The following MAPRE2 variants were observed in gnomAD, a reference collection of about 807,000 sequenced individuals.
MAPRE2 encodes microtubule associated protein RP/EB family member 2.
MAPRE2 carries 13 observed loss-of-function variants against 43.2 expected under a neutral mutation model. The ratio of observed to expected loss-of-function variants is 0.30; its 90% CI spans 0.20 to 0.48. MAPRE2 has a LOEUF of 0.48. MAPRE2 is among the 20% of genes least tolerant of loss of function. The pLI, the probability that MAPRE2 is intolerant of heterozygous loss-of-function variation, is 0.99. For synonymous variants in MAPRE2, 135 were observed against 148.8 expected, an observed-to-expected ratio of 0.91 and a Z score of 0.68; for missense variants, 161 against 400.2, an observed-to-expected ratio of 0.40 and a Z score of 5.10.
chr18:34,990,486 A>G (rs533417903), intron 1 of MAPRE2, among the ~76,000 whole-genome samples: 5 of 152,158 alleles, frequency 3.3e-5, no homozygotes, highest in Admixed American at 3.3e-4. Flanking sequence ...GTGTTGGGAT[A>G]TTTTTGTCTG....
rs556417389 is a variant in MAPRE2 at position 35,113,039 on chromosome 18, A to ATGAGGG, written c.610+10880_610+10881insTGAGGG. ...TCATTCATGAGGGATCTGCCCTCAC[A>ATGAGGG]ACCTAGTTACCTCCCAAAGGCCCCA... On this transcript the variant is annotated intron_variant, in intron 4 of 6. Coordinates refer to ENST00000300249, the MANE Select transcript of MAPRE2 (RefSeq NM_014268.4). Among the ~76,000 whole-genome samples, 60 of 152,230 alleles carry ATGAGGG rather than the reference A, an allele frequency of 3.9e-4. No homozygotes were observed. The South Asian group carries it at 0.011, about 27-fold the overall frequency.
chr18:34,999,949 G>A (rs1037265997), intron 1 of MAPRE2, among the ~76,000 whole-genome samples: 1 of 152,004 alleles, frequency 6.6e-6, no homozygotes, highest in African/African-American at 2.4e-5. Context: ...AATTGAGGCA[G>A]TGCGTGGCGG....
chr18:34,984,294 G>C (rs989297141), intron 1 of MAPRE2: 1 of 152,086 alleles, frequency 6.6e-6, no homozygotes, highest in Non-Finnish European at 1.5e-5. Flanking sequence ...TCCTTTTGAT[G>C]AATTGTTAAT....
At chr18:35,074,444 G>C (rs375100772) in intron 2 of MAPRE2, among the ~76,000 whole-genome samples, 1 of 152,118 alleles carries the variant, frequency 6.6e-6, no homozygotes, top group Non-Finnish European at 1.5e-5. Flanking sequence ...AGAAGATAGG[G>C]GACTTAGAGG....
At chr18:35,005,966 AGAGCGTGC>A (rs1438187966) in intron 2 of MAPRE2, among the ~76,000 whole-genome samples, 1 of 152,174 alleles carries the variant, frequency 6.6e-6, no homozygotes, top group Non-Finnish European at 1.5e-5. Context: ...AGACAGAGTG[AGAGCGTGC>A]GAGCGTGCGA....
intron 4 of MAPRE2, among the ~76,000 whole-genome samples, chr18:35,109,953 C>T (rs955288041): frequency 6.6e-6 from 1 of 152,030 alleles, no homozygotes; most frequent in Non-Finnish European, 1.5e-5. Context: ...TTTTAGAATT[C>T]TATTTTAATT....
chr18:35,022,249 C>G (rs2097042351), intron 2 of MAPRE2, among the ~76,000 whole-genome samples: 1 of 151,898 alleles, frequency 6.6e-6, no homozygotes, highest in Non-Finnish European at 1.5e-5. Context: ...TGAAAGAATC[C>G]AATTACAAGA....
At chr18:35,097,295 A>C (rs1217571299) in intron 2 of MAPRE2, 151 bp from the exon 3 acceptor site, 1 of 659,906 alleles carries the variant, frequency 1.5e-6, no homozygotes, top group Non-Finnish European at 2.6e-6. Context: ...GATCCTGTGG[A>C]CAAGGAGATA....
chr18:35,121,497 GA>G (rs1239609980), intron 4 of MAPRE2, among the ~76,000 whole-genome samples: 3 of 152,030 alleles, frequency 2.0e-5, no homozygotes, highest in African/African-American at 7.2e-5. Context: ...TTTTTATTTT[GA>G]AAGGTAAAAT....
intron 6 of MAPRE2, among the ~76,000 whole-genome samples, chr18:35,139,135 A>G (rs1021773470): frequency 7.9e-5 from 12 of 152,230 alleles, no homozygotes; most frequent in African/African-American, 2.9e-4. Context: ...ATTCTGGCTC[A>G]GTGATCATGC....
chr18:34,978,605 A>T (rs2097014470), intron 1 of MAPRE2: 2 of 1,454,278 alleles, frequency 1.4e-6, no homozygotes, highest in African/African-American at 1.4e-5. Flanking sequence ...CCAAATTTTT[A>T]TCAAGCAAAA....
At chr18:35,051,360 G>C (rs1051908614) in intron 1 of MAPRE2, among the ~76,000 whole-genome samples, 3 of 152,210 alleles carry the variant, frequency 2.0e-5, no homozygotes, top group African/African-American at 7.2e-5. Context: ...AAATTGTTAA[G>C]TTTGAGTTTG....
At chr18:35,034,204 C>T (rs1179672043) in intron 2 of MAPRE2, among the ~76,000 whole-genome samples, 40 of 151,880 alleles carry the variant, frequency 2.6e-4, no homozygotes, top group East Asian at 1.9e-3. Flanking sequence ...TCAGAAATAA[C>T]GCCACATATC....
At chr18:35,029,408 G>A (rs988779139) in intron 2 of MAPRE2, among the ~76,000 whole-genome samples, 7 of 152,122 alleles carry the variant, frequency 4.6e-5, no homozygotes, top group South Asian at 2.1e-4. Flanking sequence ...TCAGGAAGAC[G>A]CTTCCTTCCA....
intron 2 of MAPRE2, among the ~76,000 whole-genome samples, chr18:35,071,402 A>C (rs138621784): frequency 6.6e-6 from 1 of 152,184 alleles, no homozygotes; most frequent in East Asian, 1.9e-4. Flanking sequence ...AAAACAAAAA[A>C]TATGCTGCTA....
intron 1 of MAPRE2, among the ~76,000 whole-genome samples, chr18:34,981,607 G>A (rs929702157): frequency 3.9e-5 from 6 of 151,976 alleles, no homozygotes; most frequent in Admixed American, 2.0e-4. Context: ...AACATATCAG[G>A]GCTTAATCAT....
chr18:35,048,219 T>G (rs1015952938), intron 1 of MAPRE2, among the ~76,000 whole-genome samples: 8 of 151,944 alleles, frequency 5.3e-5, no homozygotes, highest in African/African-American at 1.9e-4. Flanking sequence ...CCACACACTT[T>G]TAGGCAACCA....
intron 2 of MAPRE2, among the ~76,000 whole-genome samples, chr18:35,029,142 A>C (rs917337120): frequency 3.1e-5 from 4 of 129,930 alleles, no homozygotes; most frequent in African/African-American, 1.5e-4. Flanking sequence ...AGCTCTAATT[A>C]AAACATTTCT....
intron 1 of MAPRE2, among the ~76,000 whole-genome samples, chr18:34,981,884 T>TTTA (rs371587805): frequency 9.3e-5 from 7 of 75,548 alleles, no homozygotes; most frequent in African/African-American, 2.3e-4. Flanking sequence ...TTTATTTTTA[T>TTTA]TTATTTTTTT....
Sources: gnomAD v4.1 joint callset for allele counts (sites outside exome capture counted in the v4.1 genomes callset) on GRCh38, gnomAD v4.1.1 for gene constraint, MANE v1.5 for transcripts, NCBI Gene and HGNC (gene_info 2026-07-23, HGNC 2026-07-21) for gene names.